PITPNM3: variants seen among roughly 807,000 people sequenced by gnomAD.
The protein encoded by PITPNM3 is PITPNM family member 3, also known as membrane-associated phosphatidylinositol transfer protein 3.
In PITPNM3, 26 loss-of-function variants were observed where a neutral mutation model predicts 102.0. That is an observed-to-expected ratio of 0.25 (90% CI 0.19 to 0.35). PITPNM3 has a LOEUF of 0.35. PITPNM3 is among the 10% of genes least tolerant of loss of function. PITPNM3 has a pLI of 1.00. For synonymous variants in PITPNM3, 578 were observed against 558.6 expected, an observed-to-expected ratio of 1.03 and a Z score of -0.49; for missense variants, 1,083 against 1,346.1, an observed-to-expected ratio of 0.80 and a Z score of 3.06.
intron 3 of PITPNM3, among the ~76,000 whole-genome samples, chr17:6,512,582 C>T (rs1360454877): frequency 6.6e-6 from 1 of 152,092 alleles, no homozygotes; most frequent in Non-Finnish European, 1.5e-5. Context: ...GAAATGTGAC[C>T]CCCAAAGTCA....
At chr17:6,479,718 G>A (rs1392025335) in intron 6 of PITPNM3, 4 of 152,296 alleles carry the variant, frequency 2.6e-5, no homozygotes, top group Admixed American at 6.5e-5. Context: ...CAGAGTCCTC[G>A]TGGTGTACAA....
Position 6,474,335 on chromosome 17 carries a change from C to T in PITPNM3, c.1258+97G>A, listed in dbSNP as rs1905196601. On this transcript the variant is annotated intron_variant, in intron 10 of 19. Coordinates refer to ENST00000262483, the MANE Select transcript of PITPNM3 (RefSeq NM_031220.4). ...TATCCCAACTCTGTGACCCTCCCTG[C>T]CCCTGTCCCCGACTTCACTCTCCTC... 3.4e-6 allele frequency: 5 copies of T among 1,474,420 alleles called. No homozygotes were observed. In the East Asian group the frequency reaches 1.2e-4, roughly 35 times the overall value. The allele number at this position is 1,474,420 out of a possible 1,614,324, so 91.3% of individuals were successfully genotyped here. A position where few individuals can be genotyped will look rare whatever the true frequency, so the allele number is the denominator to read the frequency against.
At chr17:6,519,534 A>T (rs1567685629) in intron 3 of PITPNM3, among the ~76,000 whole-genome samples, 1 of 149,220 alleles carries the variant, frequency 6.7e-6, no homozygotes, top group Non-Finnish European at 1.5e-5. Context: ...AAAAAAAAAA[A>T]GATTTGTAAA....
At position 6,472,382 on chromosome 17, in the gene PITPNM3, A is replaced by T. The variant is rs182981703; in HGVS notation, c.1429+275T>A. ...AATAGATTGGAGCACGGATCCCTGG[A>T]CCCGCCATCAGCTCTGAAAGCTCAA... On this transcript the variant is annotated intron_variant, in intron 11 of 19. Coordinates refer to ENST00000262483, the MANE Select transcript of PITPNM3 (RefSeq NM_031220.4). This position sits in a 1 kb window ranked among gnomAD's most constrained non-coding sequence, Gnocchi z 4.1. 9.9e-5 allele frequency among the ~76,000 whole-genome samples: 15 copies of T among 152,052 alleles called. No individual in the cohort carries two copies. The East Asian group carries it at 2.7e-3, about 28-fold the overall frequency.
At chr17:6,525,148 G>A (rs751447520) in intron 3 of PITPNM3, among the ~76,000 whole-genome samples, 3 of 152,200 alleles carry the variant, frequency 2.0e-5, no homozygotes, top group Non-Finnish European at 2.9e-5. Context: ...GTTGAAGTAG[G>A]CTGGAGCTTT....
At chr17:6,509,331 A>G (rs1907730386) in intron 3 of PITPNM3, among the ~76,000 whole-genome samples, 1 of 152,228 alleles carries the variant, frequency 6.6e-6, no homozygotes, top group Non-Finnish European at 1.5e-5. Flanking sequence ...AGTGTGTGGC[A>G]AACTTCTGAA....
chr17:6,505,229 AAC>A (rs1286472897), intron 3 of PITPNM3, among the ~76,000 whole-genome samples: 1 of 131,606 alleles, frequency 7.6e-6, no homozygotes, highest in Non-Finnish European at 1.7e-5. Context: ...AAGCCTTCAG[AAC>A]ACAGTCAGGC....
At chr17:6,536,664 A>G (rs919401626) in intron 2 of PITPNM3, among the ~76,000 whole-genome samples, 4 of 152,224 alleles carry the variant, frequency 2.6e-5, no homozygotes, top group Non-Finnish European at 5.9e-5. Flanking sequence ...GAGAAAGTGA[A>G]AGCCCCGCCA....
intron 4 of PITPNM3, among the ~76,000 whole-genome samples, chr17:6,496,533 T>G (rs1906835165): frequency 6.6e-6 from 1 of 152,088 alleles, no homozygotes; most frequent in Non-Finnish European, 1.5e-5. Context: ...TCCTGTCCTC[T>G]CCACAAAAGC....
Position 6,517,284 on chromosome 17 carries a change from T to G in PITPNM3, c.226+8072A>C, listed in dbSNP as rs1908243044. On this transcript the variant is annotated intron_variant, in intron 3 of 19. Transcript: ENST00000262483. The surrounding 1 kb of genome is among the most constrained non-coding windows in gnomAD (Gnocchi z 4.1). The stretch of plus-strand genomic sequence containing the variant: ...CATAGCTCAAAATACTTAACCCAAA[T>G]AGAATGAGAAGGAGGGGGAGGTGGC... Among the ~76,000 whole-genome samples, 1 of 152,020 alleles carries G rather than the reference T, an allele frequency of 6.6e-6. No individual in the cohort carries two copies. The highest frequency in any genetic ancestry group is 2.4e-5 in the African/African-American group (1 of 41,376).
At chr17:6,465,539 G>A (rs962758023) in intron 14 of PITPNM3, among the ~76,000 whole-genome samples, 2 of 152,146 alleles carry the variant, frequency 1.3e-5, no homozygotes, top group African/African-American at 2.4e-5. Flanking sequence ...AGCATAGAGA[G>A]AGAGAAGAGT....
Position 6,478,067 on chromosome 17 carries a change from G to A in PITPNM3, c.808C>T (p.Leu270Phe). Residue 270 changes from leucine to phenylalanine, a missense_variant, in exon 8 of 20, where the codon CTC becomes TTC. Leu to Phe is a conservative substitution (Grantham distance 22, BLOSUM62 0). Transcript: ENST00000262483. The surrounding 1 kb of genome is among the most constrained non-coding windows in gnomAD (Gnocchi z 4.4). The part of the protein sequence containing the change: ...VCLIGDCVGG[L>F]LAFDAICYSA... ...TAGCAGATGGCATCGAAGGCCAGGA[G>A]GCCCCCCACACAGTCCCCGATGAGA... is the stretch of plus-strand genomic sequence containing the variant. The A allele has an allele frequency of 3.1e-6, 5 of 1,613,698 alleles. No homozygotes were observed. Among genetic ancestry groups the A allele is most frequent in the Non-Finnish European group, 4.2e-6 (5 of 1,180,040 alleles).
intron 17 of PITPNM3, among the ~76,000 whole-genome samples, chr17:6,462,416 G>A (rs1175672804): frequency 1.3e-5 from 2 of 152,134 alleles, no homozygotes; most frequent in South Asian, 2.1e-4. Flanking sequence ...ACCCAGAGCT[G>A]CTTTGCTGCC....
intron 6 of PITPNM3, chr17:6,479,812 T>C (rs1218671301): frequency 6.6e-6 from 1 of 152,254 alleles, no homozygotes; most frequent in Non-Finnish European, 1.5e-5. Flanking sequence ...GAGATTTTAA[T>C]TAGCTGAGAA....
chr17:6,502,741 G>A (rs539191227), intron 4 of PITPNM3, among the ~76,000 whole-genome samples: 1 of 152,266 alleles, frequency 6.6e-6, no homozygotes, highest in East Asian at 1.9e-4. Flanking sequence ...GTCCTCTCCT[G>A]ACCCAGCCAC....
chr17:6,492,187 C>T (rs1906530197), intron 4 of PITPNM3, among the ~76,000 whole-genome samples: 1 of 142,938 alleles, frequency 7.0e-6, no homozygotes, highest in African/African-American at 2.7e-5. Flanking sequence ...CCTCAGCCTC[C>T]TCAGTAGCTG....
At chr17:6,513,932 T>C (rs545699294) in intron 3 of PITPNM3, among the ~76,000 whole-genome samples, 2 of 152,358 alleles carry the variant, frequency 1.3e-5, no homozygotes, top group East Asian at 1.9e-4. Flanking sequence ...CATATACACC[T>C]GAGTGGAATA....
Position 6,472,211 on chromosome 17 carries a change from C to G in PITPNM3, c.1429+446G>C, listed in dbSNP as rs1287407239. 6.6e-6 allele frequency among the ~76,000 whole-genome samples: 1 copy of G among 152,194 alleles called. No individual in the cohort carries two copies. Among genetic ancestry groups the G allele is most frequent in the Non-Finnish European group, 1.5e-5 (1 of 68,028 alleles). On this transcript the variant is annotated intron_variant, in intron 11 of 19. Coordinates refer to ENST00000262483, the MANE Select transcript of PITPNM3 (RefSeq NM_031220.4). This position sits in a 1 kb window ranked among gnomAD's most constrained non-coding sequence, Gnocchi z 4.1. ...TTCTCCCTGCCTGGAAGATCTCAAC[C>G]CTCATCCTCTAGCTCTTCTCCACCT...
chr17:6,478,299 T>G lies in PITPNM3; in HGVS notation c.778-202A>C, dbSNP rs1905442102. On this transcript the variant is annotated intron_variant, in intron 7 of 19. Transcript: ENST00000262483. The surrounding 1 kb of genome is among the most constrained non-coding windows in gnomAD (Gnocchi z 4.4). ...CCCAGGCCAGCCCAAGGACGGGGAG[T>G]AGGCTACTCTCAGGGGTCAGACTTG... 6.6e-6 allele frequency among the ~76,000 whole-genome samples: 1 copy of G among 152,050 alleles called. No individual in the cohort carries two copies. Among genetic ancestry groups the G allele is most frequent in the Non-Finnish European group, 1.5e-5 (1 of 67,998 alleles).
Sources: gnomAD v4.1 joint callset for allele counts (sites outside exome capture counted in the v4.1 genomes callset) on GRCh38, gnomAD v4.1.1 for gene constraint, Gnocchi (gnomAD v3.1) non-coding constraint, MANE v1.5 for transcripts, NCBI Gene and HGNC (gene_info 2026-07-23, HGNC 2026-07-21) for gene names.